The following FUT8 variants were observed in gnomAD, a reference collection of about 807,000 sequenced individuals.
The protein encoded by FUT8 is fucosyltransferase 8.
In FUT8, 29 loss-of-function variants were observed where a neutral mutation model predicts 71.3. The observed-to-expected ratio is 0.41, with a 90% CI of 0.30 to 0.55. The LOEUF is 0.55. FUT8 is among the 20% of genes least tolerant of loss of function. FUT8 has a pLI of 0.34. For missense variants in FUT8, 544 were observed against 702.1 expected (o/e 0.77, Z 2.55); for synonymous variants, 254 against 239.3 (o/e 1.06, Z -0.57).
chr14:65,701,801 G>A (rs572838669), intron 7 of FUT8, among the ~76,000 whole-genome samples: 4 of 152,204 alleles, frequency 2.6e-5, no homozygotes, highest in East Asian at 1.9e-4. Flanking sequence ...AGAAAAATCT[G>A]TATCTTACCC....
intron 6 of FUT8, among the ~76,000 whole-genome samples, chr14:65,641,944 T>A (rs1890863222): frequency 6.6e-6 from 1 of 152,206 alleles, no homozygotes; most frequent in East Asian, 1.9e-4. Flanking sequence ...GTCTGATGTG[T>A]GTTTTGGAAA....
At chr14:65,734,571 T>C (rs1386967103) in intron 10 of FUT8, among the ~76,000 whole-genome samples, 2 of 152,190 alleles carry the variant, frequency 1.3e-5, no homozygotes, top group African/African-American at 2.4e-5. Context: ...TTCTCCCTAA[T>C]TGGGGTGTGG....
At chr14:65,633,884 C>T (rs1364606752) in intron 6 of FUT8, among the ~76,000 whole-genome samples, 23 of 151,592 alleles carry the variant, frequency 1.5e-4, no homozygotes, top group East Asian at 7.8e-4. Context: ...CTGCCCTGTC[C>T]AGGAGGGAGG....
At chr14:65,536,663 A>T (rs191272181) in intron 2 of FUT8, among the ~76,000 whole-genome samples, 4 of 152,202 alleles carry the variant, frequency 2.6e-5, no homozygotes, top group Non-Finnish European at 5.9e-5. Flanking sequence ...GGCCTGTTCT[A>T]TCTCTCTAGC....
chr14:65,439,293 G>T (rs983446654), intron 1 of FUT8, among the ~76,000 whole-genome samples: 1 of 152,194 alleles, frequency 6.6e-6, no homozygotes, highest in Non-Finnish European at 1.5e-5. Context: ...AGGCTATAAG[G>T]ATGTGGACAA....
At chr14:65,457,397 A>G (rs2065908133) in intron 2 of FUT8, among the ~76,000 whole-genome samples, 1 of 152,228 alleles carries the variant, frequency 6.6e-6, no homozygotes, top group Non-Finnish European at 1.5e-5. Context: ...ATGTAAAATT[A>G]TTAGAAAGGG....
intron 5 of FUT8, among the ~76,000 whole-genome samples, chr14:65,625,012 G>A (rs1481876373): frequency 6.6e-6 from 1 of 152,054 alleles, no homozygotes; most frequent in Non-Finnish European, 1.5e-5. Flanking sequence ...GTTGCAGTGA[G>A]CTGAGATTGT....
the FUT8 span, among the ~76,000 whole-genome samples, chr14:65,365,916 C>T: frequency 5.9e-5 from 9 of 152,090 alleles, no homozygotes; most frequent in African/African-American, 2.2e-4. Context: ...TGGCTCACTG[C>T]AGGCTCTGCC....
At chr14:65,659,176 T>G (rs1177584988) in intron 6 of FUT8, among the ~76,000 whole-genome samples, 1 of 151,604 alleles carries the variant, frequency 6.6e-6, no homozygotes, top group African/African-American at 2.4e-5. Context: ...TCTTGAGGTG[T>G]TTTTTGTTTT....
the FUT8 span, among the ~76,000 whole-genome samples, chr14:65,379,574 T>C: frequency 3.3e-5 from 5 of 152,158 alleles, no homozygotes; most frequent in Admixed American, 6.5e-5. Flanking sequence ...TTACTTTATG[T>C]GCTTGGAGCT....
At chr14:65,741,666 T>C (rs1272866615) in intron 10 of FUT8, among the ~76,000 whole-genome samples, 2 of 152,042 alleles carry the variant, frequency 1.3e-5, no homozygotes, top group African/African-American at 2.4e-5. Context: ...CATCAGCATT[T>C]ATTTGTGTTA....
intron 3 of FUT8, among the ~76,000 whole-genome samples, chr14:65,598,295 T>A (rs929530026): frequency 2.6e-5 from 4 of 152,102 alleles, no homozygotes; most frequent in Non-Finnish European, 5.9e-5. Context: ...TGATCTCAGC[T>A]CACTGCAACC....
chr14:65,428,230 G>A (rs1165160630), intron 1 of FUT8, among the ~76,000 whole-genome samples: 1 of 152,180 alleles, frequency 6.6e-6, no homozygotes, highest in Non-Finnish European at 1.5e-5. Flanking sequence ...CACTGTGTGT[G>A]TGTGTGTCTT....
chr14:65,739,296 G>A (rs1896377349), intron 10 of FUT8, among the ~76,000 whole-genome samples: 1 of 151,972 alleles, frequency 6.6e-6, no homozygotes, highest in Non-Finnish European at 1.5e-5. Flanking sequence ...TGCTTGCAGA[G>A]GCCTACAGTC....
chr14:65,678,161 C>T (rs1892858937), intron 7 of FUT8, among the ~76,000 whole-genome samples: 2 of 152,114 alleles, frequency 1.3e-5, no homozygotes, highest in South Asian at 4.1e-4. Context: ...GGGAACAAAG[C>T]AAAATAACAA....
rs561504561 is a variant in FUT8, at chr14:65,629,769, G to A, written c.597+163G>A. On this transcript the variant is annotated intron_variant, in intron 6 of 10. Transcript: ENST00000673929. Reference sequence around the variant, plus strand: ...AAAGACACTGTGTTATGCCTTGAGTGGAATACAAAGATGGCTAAAACAAAG... The same window carrying A: ...AAAGACACTGTGTTATGCCTTGAGTAGAATACAAAGATGGCTAAAACAAAG... 3.6e-4 allele frequency among the ~76,000 whole-genome samples: 55 copies of A among 151,896 alleles called. No individual in the cohort carries two copies. In the South Asian group the frequency reaches 7.9e-3, roughly 22 times the overall value.
chr14:65,416,308 A>T (rs1201810486), intron 1 of FUT8, among the ~76,000 whole-genome samples: 1 of 151,144 alleles, frequency 6.6e-6, no homozygotes. Flanking sequence ...TATTACTATT[A>T]TGGTACCTTT....
chr14:65,439,842 A>G (rs1471959917), intron 1 of FUT8, among the ~76,000 whole-genome samples: 1 of 151,288 alleles, frequency 6.6e-6, no homozygotes, highest in East Asian at 1.9e-4. Context: ...CAAATAGAAA[A>G]TTATCTTATC....
intron 3 of FUT8, among the ~76,000 whole-genome samples, chr14:65,600,120 A>C (rs1370380775): frequency 6.6e-6 from 1 of 152,204 alleles, no homozygotes; most frequent in East Asian, 1.9e-4. Flanking sequence ...AATGTGTCTA[A>C]ATTCCCCACA....
Sources: gnomAD v4.1 joint callset for allele counts (sites outside exome capture counted in the v4.1 genomes callset) on GRCh38, gnomAD v4.1.1 for gene constraint, MANE v1.5 for transcripts, NCBI Gene and HGNC (gene_info 2026-07-23, HGNC 2026-07-21) for gene names.